Variants in DCLRE1C observed in about 807,000 individuals in gnomAD.
The protein encoded by DCLRE1C is DNA cross-link repair 1C, also known as protein artemis.
Under a neutral mutation model 61.4 loss-of-function variants are expected in DCLRE1C, and 47 were observed. That is an observed-to-expected ratio of 0.77 (90% CI 0.61 to 0.98). DCLRE1C has a LOEUF of 0.98. DCLRE1C is among the 50% of genes least tolerant of loss of function. DCLRE1C has a pLI of 0.00. For synonymous variants in DCLRE1C, 337 were observed against 287.6 expected (o/e 1.17, Z -1.74); for missense variants, 858 against 816.0 (o/e 1.05, Z -0.63).
rs1453173563 is a variant in DCLRE1C at position 14,908,636 on chromosome 10, A to G, written c.1851T>C (p.Ser617=). The G allele has an allele frequency of 1.2e-6, 2 of 1,614,198 alleles. No individual in the cohort carries two copies. Among genetic ancestry groups the G allele is most frequent in the South Asian group, 1.1e-5 (1 of 91,082 alleles). Residue 617 remains serine (S), a synonymous_variant, in exon 14 of 14, where the codon AGT becomes AGC. Transcript: ENST00000378278. ...TGCTTAGAGTAGTTGGTTCTCCAGT[A>G]CTAGGAACTATTGTCACATCTTTAT... ...SRDKDVTIVP[S]TGEPTTLSSE...
intron 13 of DCLRE1C, among the ~76,000 whole-genome samples, chr10:14,910,700 A>T (rs1485299057): frequency 6.6e-6 from 1 of 152,190 alleles, no homozygotes; most frequent in Non-Finnish European, 1.5e-5. Flanking sequence ...ATCAAAAAGG[A>T]GTGTGGATTG....
At chr10:14,898,364 T>G (rs748507993) in exon 14 of DCLRE1C, 12 of 151,936 alleles carry the variant, frequency 7.9e-5, no homozygotes, top group Non-Finnish European at 1.3e-4. Context: ...ACCACACTGC[T>G]TCAAACTGAA....
chr10:14,911,889 G>T (rs894038028), intron 13 of DCLRE1C, among the ~76,000 whole-genome samples: 6 of 152,244 alleles, frequency 3.9e-5, no homozygotes, highest in Middle Eastern at 3.4e-3. Context: ...AAAACTGCAG[G>T]GTACCACCAT....
At chr10:14,945,431 A>G (rs1213287225) in intron 2 of DCLRE1C, 2 of 1,250,168 alleles carry the variant, frequency 1.6e-6, no homozygotes, top group Non-Finnish European at 2.0e-6. Flanking sequence ...CACTCTCAAC[A>G]TACCTATGCA....
chr10:14,948,197 G>A (rs889317659), intron 2 of DCLRE1C, among the ~76,000 whole-genome samples: 1 of 150,558 alleles, frequency 6.6e-6, no homozygotes, highest in African/African-American at 2.5e-5. Flanking sequence ...AACATGGTAA[G>A]TCCCCGTCTC....
rs780280112 is a variant in DCLRE1C at position 14,909,328 on chromosome 10, C to T, written c.1159G>A (p.Glu387Lys). Residue 387 changes from glutamate (E) to lysine (K), a missense_variant and splice_region_variant, in exon 14 of 14, where the codon GAG becomes AAG. By Grantham distance (56) the Glu-to-Lys change is moderately conservative (BLOSUM62 1). This residue lies in a region of DCLRE1C where 843 missense variants were observed against 783.5 expected (regional missense o/e 1.08). Transcript: ENST00000378278. ...TCATCAAAGAGATAGTCATCTTCCT[C>T]CTCTGTGGGACAAACAAAACAGGTT... The part of the protein sequence containing the change: ...RARTVHRDSE[E>K]EDDYLFDDPL... The T allele has an allele frequency of 6.2e-7, 1 of 1,613,114 alleles. No homozygotes were observed. The highest frequency in any genetic ancestry group is 8.5e-7 in the Non-Finnish European group (1 of 1,179,874).
chr10:14,925,525 G>A (rs1236096846), intron 11 of DCLRE1C, among the ~76,000 whole-genome samples: 1 of 152,154 alleles, frequency 6.6e-6, no homozygotes, highest in Non-Finnish European at 1.5e-5. Context: ...GCCATCCTTT[G>A]GTGACATCGT....
At chr10:14,939,244 C>A (rs1840477411) in intron 4 of DCLRE1C, among the ~76,000 whole-genome samples, 1 of 152,132 alleles carries the variant, frequency 6.6e-6, no homozygotes, top group Non-Finnish European at 1.5e-5. Flanking sequence ...CAAGATGAGT[C>A]TGACCAACAT....
intron 1 of DCLRE1C, 144 bp from the exon 2 acceptor site, chr10:14,949,231 C>G (rs1232481971): frequency 7.6e-6 from 5 of 659,890 alleles, no homozygotes; most frequent in Non-Finnish European, 1.3e-5. Flanking sequence ...GGGCTATGAG[C>G]TCTTTCTTCT....
intron 1 of DCLRE1C, among the ~76,000 whole-genome samples, chr10:14,951,687 T>C (rs920004446): frequency 6.6e-6 from 1 of 152,182 alleles, no homozygotes; most frequent in African/African-American, 2.4e-5. Flanking sequence ...CTTCTCACTA[T>C]GCACTCACAT....
chr10:14,941,200 A>G (rs1840796667), intron 3 of DCLRE1C, among the ~76,000 whole-genome samples: 2 of 152,248 alleles, frequency 1.3e-5, no homozygotes, highest in Admixed American at 6.5e-5. Flanking sequence ...TATCTATTTA[A>G]TGCTATCAAT....
intron 3 of DCLRE1C, chr10:14,942,444 G>A (rs1450871645): frequency 1.3e-5 from 2 of 152,216 alleles, no homozygotes; most frequent in African/African-American, 2.4e-5. Flanking sequence ...CTCTGCAGAG[G>A]GAGGACAAAT....
chr10:14,911,951 G>C (rs985952961), intron 13 of DCLRE1C, among the ~76,000 whole-genome samples: 4 of 152,220 alleles, frequency 2.6e-5, no homozygotes, highest in African/African-American at 9.6e-5. Context: ...AATATGTGAA[G>C]GAACTGGAAT....
intron 2 of DCLRE1C, 83 bp from the exon 3 acceptor site, chr10:14,945,272 C>T: frequency 6.9e-7 from 1 of 1,448,474 alleles, no homozygotes; most frequent in Non-Finnish European, 9.4e-7. Context: ...CATCATACAT[C>T]TAATAATTTC....
chr10:14,922,351 G>T (rs1297013479), intron 12 of DCLRE1C, among the ~76,000 whole-genome samples: 1 of 151,680 alleles, frequency 6.6e-6, no homozygotes, highest in Non-Finnish European at 1.5e-5. Flanking sequence ...TGAGGCAGGA[G>T]AATCGTTTGA....
At chr10:14,953,519 G>C (rs1427332455) in intron 1 of DCLRE1C, among the ~76,000 whole-genome samples, 1 of 151,960 alleles carries the variant, frequency 6.6e-6, no homozygotes, top group Non-Finnish European at 1.5e-5. Context: ...TCTCCTGCTT[G>C]CTGACCAATG....
chr10:14,934,403 G>A lies in DCLRE1C; in HGVS notation c.655C>T (p.Leu219Phe). ...AYGYEYLFTN[L>F]SEELGVQVHV... The stretch of plus-strand genomic sequence containing the variant: ...ACCTGGACTCCTAATTCTTCACTAA[G>A]GTTGGTGAACAGATATTCATAGCCA... Residue 219 changes from leucine to phenylalanine, a missense_variant, in exon 8 of 14, where the codon CTT (leucine) becomes TTT (phenylalanine). Leu to Phe is a conservative substitution (Grantham distance 22). Transcript: ENST00000378278. 2 of 1,613,786 alleles carry A rather than the reference G, an allele frequency of 1.2e-6. No individual in the cohort carries two copies. Among genetic ancestry groups the A allele is most frequent in the Non-Finnish European group, 1.7e-6 (2 of 1,179,980 alleles).
At chr10:14,951,857 G>T (rs552016922) in intron 1 of DCLRE1C, among the ~76,000 whole-genome samples, 1 of 152,224 alleles carries the variant, frequency 6.6e-6, no homozygotes, top group East Asian at 1.9e-4. Flanking sequence ...GGGGGTTAGG[G>T]CTTCAACATA....
chr10:14,915,862 A>T (rs185228703), intron 13 of DCLRE1C, among the ~76,000 whole-genome samples: 79 of 152,334 alleles, frequency 5.2e-4, no homozygotes, highest in African/African-American at 1.7e-3. Flanking sequence ...CCCTTCTGAA[A>T]GTAAATGAGA....
Sources: gnomAD v4.1 joint callset for allele counts (sites outside exome capture counted in the v4.1 genomes callset) on GRCh38, gnomAD v4.1.1 for gene constraint, gnomAD v4.1.1 regional missense constraint, MANE v1.5 for transcripts, NCBI Gene and HGNC (gene_info 2026-07-23, HGNC 2026-07-21) for gene names.